The following MDGA2 variants were observed in gnomAD, a reference collection of about 807,000 sequenced individuals.
MDGA2 encodes the protein MAM domain-containing glycosylphosphatidylinositol anchor protein 2.
A neutral mutation model predicts 117.8 loss-of-function variants in MDGA2; 40 were observed. The ratio of observed to expected loss-of-function variants is 0.34; its 90% CI spans 0.26 to 0.44. The LOEUF is 0.44. Ranked by LOEUF, MDGA2 falls within the 20% of genes least tolerant of loss-of-function variation. The pLI, the probability that MDGA2 is intolerant of heterozygous loss-of-function variation, is 1.00. For synonymous variants in MDGA2, 452 were observed against 439.0 expected, an observed-to-expected ratio of 1.03 and a Z score of -0.37; for missense variants, 1,123 against 1,250.6, an observed-to-expected ratio of 0.90 and a Z score of 1.54.
At chr14:47,646,602 G>T (rs1056324532) in intron 1 of MDGA2, among the ~76,000 whole-genome samples, 6 of 152,168 alleles carry the variant, frequency 3.9e-5, no homozygotes, top group Non-Finnish European at 7.4e-5. Context: ...GGGGATAACA[G>T]TAGTGCATTC....
intron 1 of MDGA2, among the ~76,000 whole-genome samples, chr14:47,318,407 C>A (rs553556927): frequency 2.0e-5 from 3 of 152,164 alleles, no homozygotes; most frequent in Admixed American, 2.0e-4. Flanking sequence ...TTCCACTAAT[C>A]TAATTGCTTA....
intron 12 of MDGA2, among the ~76,000 whole-genome samples, chr14:46,876,378 A>C (rs1451491130): frequency 2.0e-5 from 3 of 151,624 alleles, no homozygotes; most frequent in Non-Finnish European, 4.4e-5. Context: ...GTTTATTAGA[A>C]TAAAGAATAT....
chr14:47,564,755 G>A (rs1349774316), intron 1 of MDGA2, among the ~76,000 whole-genome samples: 1 of 152,302 alleles, frequency 6.6e-6, no homozygotes, highest in South Asian at 2.1e-4. Flanking sequence ...ATGTCAATGA[G>A]TCACAGATTT....
At chr14:47,381,020 G>T (rs888560149) in intron 1 of MDGA2, among the ~76,000 whole-genome samples, 1 of 152,140 alleles carries the variant, frequency 6.6e-6, no homozygotes, top group Admixed American at 6.5e-5. Flanking sequence ...CTACGATCAA[G>T]TTGGCTTCAC....
chr14:47,415,273 T>C (rs762611761), intron 1 of MDGA2, among the ~76,000 whole-genome samples: 9 of 152,156 alleles, frequency 5.9e-5, no homozygotes, highest in Non-Finnish European at 1.2e-4. Context: ...TGCCTCATAG[T>C]CTCAGACAAT....
rs1885607365 is a variant in MDGA2, at chr14:46,957,479, A to C, written c.1984T>G (p.Tyr662Asp). The change falls in exon 9 of 17, where the codon TAC becomes GAC. Residue 662 changes from tyrosine (Y) to aspartate (D), a missense_variant. By Grantham distance (160) the Tyr-to-Asp change is radical. Transcript: ENST00000399232. ...AGACTCTTCACAGCGTACTCTGTGT[A>C]TTCCTGAGAGTCAAATTGACCCGTC... Reference protein sequence around the residue: ...LRTGQFDSQEYTEYAVKSLSN... With the variant: ...LRTGQFDSQEDTEYAVKSLSN... The C allele has an allele frequency of 6.2e-7, 1 of 1,614,016 alleles. No individual in the cohort carries two copies. The highest frequency in any genetic ancestry group is 1.3e-5 in the African/African-American group (1 of 74,904).
chr14:47,386,256 C>G (rs570896128), intron 1 of MDGA2, among the ~76,000 whole-genome samples: 1 of 151,732 alleles, frequency 6.6e-6, no homozygotes, highest in African/African-American at 2.4e-5. Flanking sequence ...CTCCAGTGTG[C>G]GCAACAAGAG....
chr14:47,641,924 T>C, intron 1 of MDGA2, among the ~76,000 whole-genome samples: 1 of 151,132 alleles, frequency 6.6e-6, no homozygotes, highest in East Asian at 1.9e-4. Context: ...CAGAGGAGAG[T>C]GAAGGGGAAA....
At chr14:47,127,400 C>T (rs1036152050) in intron 5 of MDGA2, among the ~76,000 whole-genome samples, 4 of 152,136 alleles carry the variant, frequency 2.6e-5, no homozygotes, top group Non-Finnish European at 5.9e-5. Context: ...AAAGCTACCT[C>T]ATTTATTTCA....
chr14:46,989,573 C>G (rs1887004698), intron 8 of MDGA2, among the ~76,000 whole-genome samples: 1 of 152,004 alleles, frequency 6.6e-6, no homozygotes, highest in African/African-American at 2.4e-5. Flanking sequence ...AATAGCTACT[C>G]AATAAAGATC....
chr14:47,187,588 C>A (rs2139393227), intron 3 of MDGA2, among the ~76,000 whole-genome samples: 1 of 152,142 alleles, frequency 6.6e-6, no homozygotes, highest in African/African-American at 2.4e-5. Flanking sequence ...TAATATTCAA[C>A]TTTATGAATA....
intron 5 of MDGA2, 116 bp from the exon 6 acceptor site, chr14:47,097,239 G>A (rs1180639751): frequency 2.7e-6 from 3 of 1,094,084 alleles, no homozygotes; most frequent in South Asian, 3.2e-5. Flanking sequence ...GTCCTCTTTT[G>A]CCAAAATCAT....
intron 9 of MDGA2, among the ~76,000 whole-genome samples, chr14:46,938,212 A>T (rs989863214): frequency 3.3e-5 from 5 of 152,028 alleles, no homozygotes; most frequent in Non-Finnish European, 5.9e-5. Flanking sequence ...CAACATCACT[A>T]ATCATCAGGG....
At chr14:47,373,690 TA>T (rs949049037) in intron 1 of MDGA2, among the ~76,000 whole-genome samples, 2 of 151,934 alleles carry the variant, frequency 1.3e-5, no homozygotes, top group African/African-American at 2.4e-5. Flanking sequence ...TGCTAATGGA[TA>T]GGGGGTTTCT....
intron 1 of MDGA2, among the ~76,000 whole-genome samples, chr14:47,309,027 T>A (rs1264792529): frequency 6.6e-6 from 1 of 152,118 alleles, no homozygotes; most frequent in Non-Finnish European, 1.5e-5. Flanking sequence ...TTTATCCCAC[T>A]GCCATACTCC....
At chr14:47,221,687 CAA>C (rs36059038) in intron 2 of MDGA2, among the ~76,000 whole-genome samples, 1 of 124,178 alleles carries the variant, frequency 8.1e-6, no homozygotes, top group Admixed American at 8.5e-5. Flanking sequence ...GACTCTATCT[CAA>C]AAAAAAAAAA....
At chr14:47,218,765 T>C (rs530560157) in intron 2 of MDGA2, among the ~76,000 whole-genome samples, 5 of 152,258 alleles carry the variant, frequency 3.3e-5, no homozygotes, top group South Asian at 2.1e-4. Context: ...AGCCCACAAA[T>C]GATTTGTCTA....
intron 1 of MDGA2, among the ~76,000 whole-genome samples, chr14:47,431,440 CAT>C (rs1175222748): frequency 1.3e-5 from 2 of 151,922 alleles, no homozygotes; most frequent in East Asian, 1.9e-4. Context: ...CTATGGGACT[CAT>C]ATGTGGAAAG....
chr14:47,287,550 A>G (rs1468653756), intron 2 of MDGA2, among the ~76,000 whole-genome samples: 1 of 152,110 alleles, frequency 6.6e-6, no homozygotes, highest in East Asian at 1.9e-4. Context: ...TATAAGATCT[A>G]CCTCCTTAGC....
Sources: allele counts gnomAD v4.1 joint callset (sites outside exome capture counted in the v4.1 genomes callset), GRCh38; gene constraint gnomAD v4.1.1; transcripts MANE v1.5; gene names NCBI Gene and HGNC (gene_info 2026-07-23, HGNC 2026-07-21).